Variants in ZNF461 observed in about 807,000 individuals in gnomAD.
ZNF461 encodes gonadotropin-inducible ovarian transcription factor-1.
ZNF461 carries 16 observed loss-of-function variants against 18.3 expected under a neutral mutation model. That is an observed-to-expected ratio of 0.88 (90% CI 0.59 to 1.33). ZNF461 has a LOEUF of 1.33. Among genes scored for constraint, ZNF461 ranks in the 40% most tolerant of loss-of-function variants. The pLI is 0.00. For synonymous variants in ZNF461, 179 were observed against 216.9 expected (o/e 0.83, Z 1.54); for missense variants, 595 against 669.9 (o/e 0.89, Z 1.23).
intron 2 of ZNF461, among the ~76,000 whole-genome samples, chr19:36,660,148 CTTTTTTTTTT>C (rs35264079): frequency 7.6e-5 from 9 of 118,544 alleles, no homozygotes; most frequent in African/African-American, 3.0e-4. Context: ...TCTCTAAAAT[CTTTTTTTTTT>C]TTTTTTTTTT....
At chr19:36,666,660 C>A (rs2037949151) in intron 1 of ZNF461, 30 bp downstream of exon 1, 1 of 151,100 alleles carries the variant, frequency 6.6e-6, no homozygotes, top group Admixed American at 6.6e-5. Context: ...ACATTCCCTT[C>A]CGCGGCACTG....
At chr19:36,663,816 C>T (rs1024074643) in intron 2 of ZNF461, among the ~76,000 whole-genome samples, 2 of 152,122 alleles carry the variant, frequency 1.3e-5, no homozygotes, top group African/African-American at 4.8e-5. Context: ...TGGCGTGAGT[C>T]ACCGTGCCTG....
intron 2 of ZNF461, 91 bp downstream of exon 2, chr19:36,664,606 AG>A: frequency 5.7e-6 from 6 of 1,043,986 alleles, no homozygotes; most frequent in South Asian, 2.0e-5. Flanking sequence ...AAAAAAAAAA[AG>A]CAAATAGTCA....
chr19:36,652,149 C>T (rs547242912), intron 4 of ZNF461, among the ~76,000 whole-genome samples: 21 of 152,164 alleles, frequency 1.4e-4, no homozygotes, highest in Middle Eastern at 3.4e-3. Context: ...CACAACTTTA[C>T]AAAAATTAAC....
intron 2 of ZNF461, among the ~76,000 whole-genome samples, chr19:36,664,379 G>A (rs2037867305): frequency 6.6e-6 from 1 of 152,140 alleles, no homozygotes; most frequent in Non-Finnish European, 1.5e-5. Flanking sequence ...CTTGAGGCCA[G>A]GAGTTTGAGA....
intron 5 of ZNF461, among the ~76,000 whole-genome samples, chr19:36,640,445 T>C (rs1260183692): frequency 1.3e-5 from 2 of 152,216 alleles, no homozygotes; most frequent in South Asian, 2.1e-4. Flanking sequence ...TCTATTTTTT[T>C]CCCTTTTTAA....
At position 36,643,868 on chromosome 19, in the gene ZNF461, T is replaced by C. The variant is rs1273993088; in HGVS notation, c.233-6A>G. 4 of 1,507,464 alleles carry C rather than the reference T, an allele frequency of 2.7e-6. No homozygotes were observed. Among genetic ancestry groups the C allele is most frequent in the Non-Finnish European group, 3.6e-6 (4 of 1,117,484 alleles). The allele number at this position is 1,507,464 out of a possible 1,614,324, so 93.4% of individuals were successfully genotyped here. A position where few individuals can be genotyped will look rare whatever the true frequency, so the allele number is the denominator to read the frequency against. ...TCCCCAAGTTTTCCATGTACCTACA[T>C]GGAAACAAAAGAATAAATACTTCAT... On this transcript the variant is annotated splice_region_variant and splice_polypyrimidine_tract_variant and intron_variant, in intron 4 of 5. Transcript: ENST00000588268.
chr19:36,639,351 T>C lies in ZNF461; in HGVS notation c.994A>G (p.Lys332Glu). Residue 332 changes from lysine (K) to glutamate (E), a missense_variant, in exon 6 of 6, where the codon AAG becomes GAG. By Grantham distance (56) the Lys-to-Glu change is moderately conservative. Transcript: ENST00000588268. Reference sequence around the variant, plus strand: ...CGAATAAAAGCCTTCCCACATTGCTTACATTCATAGGGTTTTTCACCAGTA... The same window carrying C: ...CGAATAAAAGCCTTCCCACATTGCTCACATTCATAGGGTTTTTCACCAGTA... ...LHTGEKPYEC[K>E]QCGKAFIRGF... 1 of 1,613,856 alleles carries C rather than the reference T, an allele frequency of 6.2e-7. No homozygotes were observed. The highest frequency in any genetic ancestry group is 1.1e-5 in the South Asian group (1 of 91,062).
chr19:36,664,115 TCTCTC>T (rs2037862972), intron 2 of ZNF461, among the ~76,000 whole-genome samples: 1 of 152,192 alleles, frequency 6.6e-6, no homozygotes, highest in Non-Finnish European at 1.5e-5. Context: ...TTATTTGTGT[TCTCTC>T]CTTGTGTCTG....
chr19:36,654,567 T>G (rs921587894), intron 4 of ZNF461, among the ~76,000 whole-genome samples: 2 of 151,998 alleles, frequency 1.3e-5, no homozygotes, highest in African/African-American at 4.8e-5. Flanking sequence ...AGACAGGGTC[T>G]CACTATATTG....
chr19:36,661,497 A>C (rs1016889425), intron 2 of ZNF461, among the ~76,000 whole-genome samples: 2 of 150,634 alleles, frequency 1.3e-5, no homozygotes. Context: ...AAATTTAAAA[A>C]GAACAGATGA....
rs1424440967 is a variant in ZNF461, at chr19:36,657,987, G to A, written c.136+312C>T. The A allele has an allele frequency of 3.9e-5, 11 of 279,148 alleles. No individual in the cohort carries two copies. In the East Asian group the frequency reaches 9.4e-4, roughly 24 times the overall value. 17.3% of individuals were successfully genotyped at this position (279,148 alleles called of 1,614,324 possible). On this transcript the variant is annotated intron_variant, in intron 3 of 5. Coordinates refer to ENST00000588268, the MANE Select transcript of ZNF461 (RefSeq NM_153257.5). ...CTAGCAGATTTAGCACAGTGGAAGT[G>A]AAACAAAAGACAGAGTCTGCTTTCT...
In ZNF461 at chr19:36,662,159, G is replaced by C. The variant is rs773510999; in HGVS notation, c.9+2539C>G. On this transcript the variant is annotated intron_variant, in intron 2 of 5. Transcript: ENST00000588268. ...GCAGGGATTACAGGCATGAGCCACC[G>C]AGCCTAGCTATTTCCATGTATTTCT... 5.3e-5 allele frequency among the ~76,000 whole-genome samples: 8 copies of C among 152,114 alleles called. No homozygotes were observed. The South Asian group carries it at 6.2e-4, about 12-fold the overall frequency.
At chr19:36,640,158 G>T in intron 5 of ZNF461, 115 bp from the exon 6 acceptor site, 1 of 920,554 alleles carries the variant, frequency 1.1e-6, no homozygotes. Flanking sequence ...TAAAAGGCTT[G>T]GAGAACTCTT....
At position 36,662,200 on chromosome 19, in the gene ZNF461, A is replaced by ACTCTTTTT. The variant is rs1317540217; in HGVS notation, c.9+2490_9+2497dup. On this transcript the variant is annotated intron_variant, in intron 2 of 5. Transcript: ENST00000588268. ...ATGTATTTCTAATTCATATATTTTA[A>ACTCTTTTT]CTCTTTTTGGTAGGAGCATTCAAAG... is the stretch of plus-strand genomic sequence containing the variant. Among the ~76,000 whole-genome samples, 5 of 148,340 alleles carry ACTCTTTTT rather than the reference A, an allele frequency of 3.4e-5. No individual in the cohort carries two copies. In the Admixed American group the frequency reaches 3.4e-4, roughly 10 times the overall value.
At chr19:36,663,533 T>G in intron 2 of ZNF461, among the ~76,000 whole-genome samples, 1 of 150,488 alleles carries the variant, frequency 6.6e-6, no homozygotes, top group Admixed American at 6.6e-5. Context: ...TTTTTTTTTT[T>G]TTTTTAGACA....
Position 36,639,992 on chromosome 19 carries a change from T to C in ZNF461, c.353A>G (p.Tyr118Cys), listed in dbSNP as rs763572046. Residue 118 changes from tyrosine to cysteine, a missense_variant, in exon 6 of 6, where the codon TAT becomes TGT. Coordinates refer to ENST00000588268, the MANE Select transcript of ZNF461 (RefSeq NM_153257.5). The part of the protein sequence containing the change: ...PQKLSPKRDI[Y>C]ETELSQWVNM... ...AACCCACTGGGATAATTCTGTTTCA[T>C]AAATATCCCTTTTTGGAGATAACTT... 9 of 1,613,326 alleles carry C rather than the reference T, an allele frequency of 5.6e-6. No individual in the cohort carries two copies. Among genetic ancestry groups the C allele is most frequent in the South Asian group, 1.1e-5 (1 of 91,056 alleles).
At chr19:36,646,881 T>G (rs2037538539) in intron 4 of ZNF461, among the ~76,000 whole-genome samples, 1 of 152,216 alleles carries the variant, frequency 6.6e-6, no homozygotes, top group African/African-American at 2.4e-5. Context: ...TAAATGAATA[T>G]TTCATTTTTC....
At chr19:36,659,860 T>C (rs189784585) in intron 2 of ZNF461, among the ~76,000 whole-genome samples, 50 of 152,214 alleles carry the variant, frequency 3.3e-4, no homozygotes, top group African/African-American at 1.2e-3. Context: ...TCTGGCAAGA[T>C]CTCCAATTTT....
Sources: allele counts gnomAD v4.1 joint callset (sites outside exome capture counted in the v4.1 genomes callset), GRCh38; gene constraint gnomAD v4.1.1; transcripts MANE v1.5; gene names NCBI Gene and HGNC (gene_info 2026-07-23, HGNC 2026-07-21).